The following NXPE4 variants were observed in gnomAD, a reference collection of about 807,000 sequenced individuals.
NXPE4 encodes the protein NXPE family member 4.
NXPE4 carries 42 observed loss-of-function variants against 33.3 expected under a neutral mutation model. The observed-to-expected ratio is 1.26, with a 90% CI of 0.98 to 1.63. The LOEUF is 1.63. NXPE4 is among the 40% of genes most tolerant of loss of function. NXPE4 has a pLI of 0.00. For synonymous variants in NXPE4, 253 were observed against 234.9 expected, an observed-to-expected ratio of 1.08 and a Z score of -0.71; for missense variants, 709 against 647.6, an observed-to-expected ratio of 1.09 and a Z score of -1.03.
At chr11:114,579,334 T>A (rs1949084414) in intron 5 of NXPE4, among the ~76,000 whole-genome samples, 1 of 152,104 alleles carries the variant, frequency 6.6e-6, no homozygotes, top group African/African-American at 2.4e-5. Context: ...CCACCTCCAG[T>A]GTTGGAGATC....
chr11:114,672,866 A>C, the NXPE4 span, among the ~76,000 whole-genome samples: 1 of 151,772 alleles, frequency 6.6e-6, no homozygotes. Context: ...ATAGTTAGAG[A>C]CTTCAATATC....
chr11:114,626,019 G>A, the NXPE4 span, among the ~76,000 whole-genome samples: 1 of 152,214 alleles, frequency 6.6e-6, no homozygotes, highest in Non-Finnish European at 1.5e-5. Flanking sequence ...TGGCTCAAAG[G>A]GTCCTACGCC....
the NXPE4 span, among the ~76,000 whole-genome samples, chr11:114,620,295 C>T: frequency 1.3e-5 from 2 of 152,082 alleles, no homozygotes. Flanking sequence ...TAAGTAATGC[C>T]TCGTGGGTAA....
Position 114,571,211 on chromosome 11 carries a change from G to T in NXPE4, c.1362C>A (p.Val454=), listed in dbSNP as rs1948876053. ...GAAGAAGATGCTGAATGGCTTTGTG[G>T]ACATTGAGGGCCCTTCGGATAAAAA... ...IDVFIRRALN[V]HKAIQHLLLR... is the part of the protein sequence containing the mutation. The change falls in exon 6 of 6, where the codon GTC becomes GTA. Residue 454 remains valine, a synonymous_variant. Coordinates refer to ENST00000375478, the MANE Select transcript of NXPE4 (RefSeq NM_001077639.2). 1.9e-6 allele frequency: 3 copies of T among 1,613,898 alleles called. No individual in the cohort carries two copies. The highest frequency in any genetic ancestry group is 2.5e-6 in the Non-Finnish European group (3 of 1,179,954).
chr11:114,636,110 G>C, the NXPE4 span, among the ~76,000 whole-genome samples: 1 of 150,028 alleles, frequency 6.7e-6, no homozygotes, highest in Admixed American at 6.7e-5. Context: ...TCTTTCGTTG[G>C]TAAGCTATTG....
chr11:114,602,106 A>T, the NXPE4 span, among the ~76,000 whole-genome samples: 1 of 97,292 alleles, frequency 1.0e-5, no homozygotes. Flanking sequence ...ATATATTATA[A>T]TATATATAAT....
the NXPE4 span, among the ~76,000 whole-genome samples, chr11:114,629,655 T>C: frequency 6.6e-6 from 1 of 152,050 alleles, no homozygotes; most frequent in Non-Finnish European, 1.5e-5. Flanking sequence ...ATCAGAGTGT[T>C]GGAAGTTCTG....
At chr11:114,593,875 C>A (rs1373805347) in intron 2 of NXPE4, among the ~76,000 whole-genome samples, 2 of 152,078 alleles carry the variant, frequency 1.3e-5, no homozygotes, top group East Asian at 3.9e-4. Context: ...TTTGCAACAA[C>A]ATGGATGGAA....
At chr11:114,574,264 G>A (rs1383369296) in intron 5 of NXPE4, among the ~76,000 whole-genome samples, 2 of 151,670 alleles carry the variant, frequency 1.3e-5, no homozygotes, top group Non-Finnish European at 2.9e-5. Flanking sequence ...AGTCTGAGAG[G>A]GCACAAATAG....
At chr11:114,573,494 C>A (rs1408677370) in intron 5 of NXPE4, among the ~76,000 whole-genome samples, 4 of 151,882 alleles carry the variant, frequency 2.6e-5, no homozygotes, top group Non-Finnish European at 5.9e-5. Context: ...TAAGAACTCA[C>A]ATAAACTTAA....
chr11:114,609,963 G>T, the NXPE4 span, among the ~76,000 whole-genome samples: 1 of 151,420 alleles, frequency 6.6e-6, no homozygotes, highest in African/African-American at 2.4e-5. Context: ...CTGTTACACG[G>T]TGGATAATAG....
chr11:114,591,644 G>C (rs1221122168), intron 2 of NXPE4, among the ~76,000 whole-genome samples: 1 of 152,142 alleles, frequency 6.6e-6, no homozygotes, highest in African/African-American at 2.4e-5. Context: ...GATGACTACA[G>C]TCAGAATATG....
intron 2 of NXPE4, among the ~76,000 whole-genome samples, chr11:114,586,179 C>T (rs1949293084): frequency 6.6e-6 from 1 of 152,142 alleles, no homozygotes; most frequent in African/African-American, 2.4e-5. Flanking sequence ...ACCAAAAGAC[C>T]CACTTAAATC....
the NXPE4 span, among the ~76,000 whole-genome samples, chr11:114,612,974 G>A: frequency 1.3e-5 from 2 of 151,682 alleles, no homozygotes; most frequent in Non-Finnish European, 2.9e-5. Context: ...TTGTTGCCTT[G>A]CGAGTAACCA....
the NXPE4 span, among the ~76,000 whole-genome samples, chr11:114,630,244 G>T: frequency 6.6e-6 from 1 of 151,748 alleles, no homozygotes; most frequent in Non-Finnish European, 1.5e-5. Flanking sequence ...AACAAAGCTG[G>T]AGGCATCACA....
At chr11:114,629,413 C>G in the NXPE4 span, among the ~76,000 whole-genome samples, 1 of 151,788 alleles carries the variant, frequency 6.6e-6, no homozygotes, top group Non-Finnish European at 1.5e-5. Flanking sequence ...GAACCAAAGA[C>G]AAAAACCACA....
chr11:114,627,802 T>C, the NXPE4 span, among the ~76,000 whole-genome samples: 2 of 151,600 alleles, frequency 1.3e-5, no homozygotes, highest in Non-Finnish European at 2.9e-5. Context: ...ACACATGGGC[T>C]CAAAATAAAA....
the NXPE4 span, among the ~76,000 whole-genome samples, chr11:114,669,397 T>A: frequency 6.6e-6 from 1 of 152,068 alleles, no homozygotes; most frequent in Non-Finnish European, 1.5e-5. Context: ...GAAGACTTCA[T>A]CTTCCCTGAC....
chr11:114,662,486 A>G, the NXPE4 span, among the ~76,000 whole-genome samples: 1 of 152,180 alleles, frequency 6.6e-6, no homozygotes. Flanking sequence ...TGCAACTTTT[A>G]GATGAGCTGC....
Sources: gnomAD v4.1 joint callset for allele counts (sites outside exome capture counted in the v4.1 genomes callset) on GRCh38, gnomAD v4.1.1 for gene constraint, MANE v1.5 for transcripts, NCBI Gene and HGNC (gene_info 2026-07-23, HGNC 2026-07-21) for gene names.